The following KDM2B variants were observed in gnomAD, a reference collection of about 807,000 sequenced individuals.
KDM2B encodes lysine demethylase 2B, also known as lysine-specific demethylase 2B.
KDM2B carries 26 observed loss-of-function variants against 150.0 expected under a neutral mutation model. The observed-to-expected ratio is 0.17, with a 90% confidence interval of 0.13 to 0.24. The LOEUF (loss-of-function observed/expected upper bound fraction) is 0.24, where lower values mean the gene tolerates loss of function less well. KDM2B is among the 10% of genes least tolerant of loss of function. KDM2B has a pLI of 1.00. For synonymous variants in KDM2B, 734 were observed against 729.5 expected (o/e 1.01, Z -0.10); for missense variants, 1,265 against 1,816.9 (o/e 0.70, Z 5.52).
rs1258021836 is a variant in KDM2B, at chr12:121,467,046, C to G, written c.1735-13702G>C. On this transcript the variant is annotated intron_variant, in intron 12 of 22. Coordinates refer to ENST00000377071, the MANE Select transcript of KDM2B (RefSeq NM_032590.5). This position sits in a 1 kb window ranked among gnomAD's most constrained non-coding sequence, Gnocchi z 5.1. ...CGCCCCGCCGGCAGCGGCAGCAAAA[C>G]TTTCTCCTCATCGCGGCGGCGGCGG... is the stretch of plus-strand genomic sequence containing the variant. 9 of 526,018 alleles carry G rather than the reference C, an allele frequency of 1.7e-5. No homozygotes were observed. Among genetic ancestry groups the G allele is most frequent in the Middle Eastern group, 8.1e-4 (1 of 1,236 alleles). The allele number at this position is 526,018 out of a possible 1,614,324, so 32.6% of individuals were successfully genotyped here. A position where few individuals can be genotyped will look rare whatever the true frequency, so the allele number is the denominator to read the frequency against.
intron 13 of KDM2B, among the ~76,000 whole-genome samples, chr12:121,451,871 T>G (rs1555291687): frequency 6.6e-6 from 1 of 151,554 alleles, no homozygotes; most frequent in Non-Finnish European, 1.5e-5. Flanking sequence ...AAGATTCCAC[T>G]GCTGCACTCC....
chr12:121,461,278 A>C (rs1211513137), intron 12 of KDM2B, among the ~76,000 whole-genome samples: 3 of 152,210 alleles, frequency 2.0e-5, no homozygotes, highest in African/African-American at 7.2e-5. Flanking sequence ...AGCTCGACAC[A>C]GCTGCTGGAA....
chr12:121,480,041 C>T (rs1352630616), intron 12 of KDM2B, among the ~76,000 whole-genome samples: 1 of 152,112 alleles, frequency 6.6e-6, no homozygotes, highest in Admixed American at 6.6e-5. Flanking sequence ...GCCTCAGCCT[C>T]CCAAGTAGCT....
intron 4 of KDM2B, among the ~76,000 whole-genome samples, chr12:121,558,150 A>T (rs1026493061): frequency 3.9e-5 from 6 of 152,204 alleles, no homozygotes; most frequent in African/African-American, 1.2e-4. Flanking sequence ...TCGCTACTCT[A>T]GTCCAGATTT....
intron 10 of KDM2B, among the ~76,000 whole-genome samples, chr12:121,511,412 G>A (rs1187327615): frequency 3.4e-5 from 5 of 149,064 alleles, no homozygotes; most frequent in African/African-American, 1.0e-4. Context: ...TCAGCCTCCC[G>A]AGTACCTGGG....
Position 121,549,042 on chromosome 12 carries a change from C to T in KDM2B, c.577-59G>A. On this transcript the variant is annotated intron_variant, in intron 5 of 22. Coordinates refer to ENST00000377071, the MANE Select transcript of KDM2B (RefSeq NM_032590.5). The surrounding 1 kb of genome is among the most constrained non-coding windows in gnomAD (Gnocchi z 4.4). The stretch of plus-strand genomic sequence containing the variant: ...TCCACTGCCGAGCCAGACACAAATA[C>T]CCCTTTCCCCGGAGAGTCCTTGGGC... 2.9e-6 allele frequency: 4 copies of T among 1,402,386 alleles called. No individual in the cohort carries two copies. Among genetic ancestry groups the T allele is most frequent in the South Asian group, 2.3e-5 (2 of 86,256 alleles). The allele number at this position is 1,402,386 out of a possible 1,614,324, so 86.9% of individuals were successfully genotyped here.
intron 13 of KDM2B, among the ~76,000 whole-genome samples, chr12:121,447,403 A>G (rs201886924): frequency 6.6e-6 from 1 of 151,650 alleles, no homozygotes; most frequent in African/African-American, 2.4e-5. Context: ...CACCACGCCC[A>G]GCTAATTTTT....
intron 11 of KDM2B, among the ~76,000 whole-genome samples, chr12:121,499,455 C>A (rs1456746073): frequency 2.6e-5 from 4 of 151,588 alleles, no homozygotes; most frequent in Admixed American, 6.6e-5. Flanking sequence ...TCTTGGTAAG[C>A]CTGGGAAACA....
intron 11 of KDM2B, 71 bp from the exon 12 acceptor site, chr12:121,494,736 A>G: frequency 8.4e-7 from 1 of 1,187,276 alleles, no homozygotes; most frequent in Non-Finnish European, 1.2e-6. Context: ...TGAACAGCAG[A>G]CATAGTCCAG....
chr12:121,511,829 C>T (rs1468951529), intron 10 of KDM2B, among the ~76,000 whole-genome samples: 1 of 152,170 alleles, frequency 6.6e-6, no homozygotes, highest in Non-Finnish European at 1.5e-5. Flanking sequence ...ACAGGTATCC[C>T]TGGGCACAGG....
chr12:121,580,658 G>A lies in KDM2B; in HGVS notation c.126+128C>T, dbSNP rs372238804. The A allele has an allele frequency of 1.7e-5, 23 of 1,349,340 alleles. No homozygotes were observed. The South Asian group carries it at 1.8e-4, about 11-fold the overall frequency. 83.6% of individuals were successfully genotyped at this position (1,349,340 alleles called of 1,614,324 possible). A position where few individuals can be genotyped will look rare whatever the true frequency, so the allele number is the denominator to read the frequency against. On this transcript the variant is annotated intron_variant, in intron 1 of 22. Coordinates refer to ENST00000377071, the MANE Select transcript of KDM2B (RefSeq NM_032590.5). ...AGCGGGAGGCGCGGAAATGCAAGCCGAGCATGCTGGCGTGAAAGCCCCCGG... is the reference window on the plus strand; with the variant it reads ...AGCGGGAGGCGCGGAAATGCAAGCCAAGCATGCTGGCGTGAAAGCCCCCGG...
chr12:121,418,157 G>A, the KDM2B span: 2 of 502,264 alleles, frequency 4.0e-6, no homozygotes, highest in Non-Finnish European at 7.1e-6. Flanking sequence ...CTTGGCCTTA[G>A]TTAATTTCTC....
chr12:121,537,274 T>TGCTC lies in KDM2B; in HGVS notation c.684-2688_684-2685dup, dbSNP rs1264859786. 8 of 152,688 alleles carry TGCTC rather than the reference T, an allele frequency of 5.2e-5. No individual in the cohort carries two copies. The highest frequency in any genetic ancestry group is 1.7e-4 in the African/African-American group (7 of 41,390). The allele number at this position is 152,688 out of a possible 1,614,324, so 9.5% of individuals were successfully genotyped here. A position where few individuals can be genotyped will look rare whatever the true frequency, so the allele number is the denominator to read the frequency against. ...CTCCGGGGCTCCCCCCTGGCTGGTT[T>TGCTC]GCTCGCTCGCTCTGGCGTGACGCCT... On this transcript the variant is annotated intron_variant, in intron 6 of 22. Coordinates refer to ENST00000377071, the MANE Select transcript of KDM2B (RefSeq NM_032590.5). This position sits in a 1 kb window ranked among gnomAD's most constrained non-coding sequence, Gnocchi z 8.7.
chr12:121,445,020 G>A (rs1383751786), intron 14 of KDM2B: 3 of 504,682 alleles, frequency 5.9e-6, no homozygotes, highest in Non-Finnish European at 1.1e-5. Flanking sequence ...GCCATCTGCT[G>A]AGGCTCTGGA....
At chr12:121,526,797 C>T (rs782666731) in intron 8 of KDM2B, among the ~76,000 whole-genome samples, 4 of 151,922 alleles carry the variant, frequency 2.6e-5, no homozygotes, top group Non-Finnish European at 4.4e-5. Flanking sequence ...TTGGGGAGGC[C>T]GAGGCGGGCC....
chr12:121,553,203 C>A lies in KDM2B; in HGVS notation c.398-3565G>T, dbSNP rs56677480. Among the ~76,000 whole-genome samples, 1,077 of 151,776 alleles carry A rather than the reference C, an allele frequency of 7.1e-3. 9 individuals are homozygous for A. The highest frequency in any genetic ancestry group is 0.025 in the African/African-American group (1,018 of 41,372). On this transcript the variant is annotated intron_variant, in intron 4 of 22. Transcript: ENST00000377071. ...CCGAGATCGCGCCACTGCACTACAG[C>A]CTGGGCGACAGAGCAAGACTCTGTC...
At chr12:121,490,110 C>G (rs1959330854) in intron 12 of KDM2B, among the ~76,000 whole-genome samples, 1 of 152,130 alleles carries the variant, frequency 6.6e-6, no homozygotes, top group South Asian at 2.1e-4. Context: ...TCCGGAGGGA[C>G]CCCAGACGGA....
chr12:121,574,401 G>A (rs1047567313), intron 4 of KDM2B, 146 bp downstream of exon 4: 33 of 678,276 alleles, frequency 4.9e-5, no homozygotes, highest in Non-Finnish European at 7.4e-5. Flanking sequence ...AGAATGAAAC[G>A]GTTGCAGCTC....
intron 6 of KDM2B, among the ~76,000 whole-genome samples, chr12:121,539,148 T>C (rs1888394329): frequency 6.6e-6 from 1 of 151,744 alleles, no homozygotes; most frequent in South Asian, 2.1e-4. Context: ...ATAATAATAA[T>C]AGCTGTTTAC....
Sources: gnomAD v4.1 joint callset for allele counts (sites outside exome capture counted in the v4.1 genomes callset) on GRCh38, gnomAD v4.1.1 for gene constraint, Gnocchi (gnomAD v3.1) non-coding constraint, MANE v1.5 for transcripts, NCBI Gene and HGNC (gene_info 2026-07-23, HGNC 2026-07-21) for gene names.